The following DIAPH3 variants were observed in gnomAD, a reference collection of about 807,000 sequenced individuals.
The protein encoded by DIAPH3 is protein diaphanous homolog 3.
A neutral mutation model predicts 144.3 loss-of-function variants in DIAPH3; 117 were observed. The observed-to-expected ratio is 0.81, with a 90% CI of 0.70 to 0.95. The LOEUF is 0.95. Ranked by LOEUF, DIAPH3 falls within the 40% of genes least tolerant of loss-of-function variation. DIAPH3 has a pLI of 0.00. For synonymous variants in DIAPH3, 519 were observed against 488.9 expected (o/e 1.06, Z -0.81); for missense variants, 1,421 against 1,412.7 (o/e 1.01, Z -0.09).
chr13:60,148,854 C>G (rs866571248), intron 1 of DIAPH3, among the ~76,000 whole-genome samples: 5 of 152,278 alleles, frequency 3.3e-5, no homozygotes, highest in South Asian at 4.1e-4. Flanking sequence ...CATGAACTCC[C>G]CAGCAACACT....
intron 25 of DIAPH3, among the ~76,000 whole-genome samples, chr13:59,810,353 A>C (rs2040410821): frequency 6.6e-6 from 1 of 152,146 alleles, no homozygotes; most frequent in South Asian, 2.1e-4. Flanking sequence ...TATGTCGCTT[A>C]AGTCTCTTTC....
chr13:59,915,665 A>G (rs927824148), intron 19 of DIAPH3, among the ~76,000 whole-genome samples: 1 of 152,104 alleles, frequency 6.6e-6, no homozygotes, highest in Non-Finnish European at 1.5e-5. Flanking sequence ...AAAATCTTCT[A>G]GCTTTCTGAA....
rs1036792653 is a variant in DIAPH3 at position 59,829,759 on chromosome 13, G to A, written c.3027+3348C>T. Among the ~76,000 whole-genome samples, 4 of 151,972 alleles carry A rather than the reference G, an allele frequency of 2.6e-5. No homozygotes were observed. In the Admixed American group the frequency reaches 2.6e-4, roughly 10 times the overall value. On this transcript the variant is annotated intron_variant, in intron 24 of 27. Transcript: ENST00000400324. ...TTAGAGGGATGAGTATGATAATTTA[G>A]CCAGGCAGAGTATGGAGAAAGTGCT...
intron 22 of DIAPH3, among the ~76,000 whole-genome samples, chr13:59,853,791 A>G (rs1232676078): frequency 6.6e-6 from 1 of 152,210 alleles, no homozygotes; most frequent in Non-Finnish European, 1.5e-5. Flanking sequence ...CATATTAACA[A>G]TAACTTTAAA....
intron 17 of DIAPH3, among the ~76,000 whole-genome samples, chr13:59,931,502 A>G (rs1026453826): frequency 6.6e-6 from 1 of 152,176 alleles, no homozygotes; most frequent in Non-Finnish European, 1.5e-5. Context: ...TACTCCTTAC[A>G]TATCATAAAT....
chr13:59,691,841 T>G (rs754388266), intron 27 of DIAPH3, among the ~76,000 whole-genome samples: 19 of 152,172 alleles, frequency 1.2e-4, no homozygotes, highest in South Asian at 2.1e-4. Flanking sequence ...CTGTATTTCT[T>G]TCATGTATAA....
intron 21 of DIAPH3, among the ~76,000 whole-genome samples, chr13:59,865,679 A>C (rs955963239): frequency 6.6e-6 from 1 of 151,994 alleles, no homozygotes; most frequent in African/African-American, 2.4e-5. Flanking sequence ...ATAATGTTAA[A>C]AGTGGATCCT....
At chr13:59,876,428 G>A (rs2044633377) in intron 21 of DIAPH3, among the ~76,000 whole-genome samples, 1 of 152,170 alleles carries the variant, frequency 6.6e-6, no homozygotes, top group South Asian at 2.1e-4. Flanking sequence ...CAGATTAACT[G>A]GTTTGCCGAC....
At chr13:59,965,555 A>T (rs2049999318) in intron 17 of DIAPH3, among the ~76,000 whole-genome samples, 2 of 150,756 alleles carry the variant, frequency 1.3e-5, no homozygotes, top group African/African-American at 2.4e-5. Flanking sequence ...AAAAAAAAAA[A>T]ATACATAGGT....
chr13:59,828,118 A>C (rs1802097608), intron 24 of DIAPH3, among the ~76,000 whole-genome samples: 1 of 152,020 alleles, frequency 6.6e-6, no homozygotes, highest in Non-Finnish European at 1.5e-5. Context: ...TTTACTCAGC[A>C]TATAGTATGA....
chr13:60,111,599 G>A (rs2058569016), intron 3 of DIAPH3, among the ~76,000 whole-genome samples: 1 of 152,122 alleles, frequency 6.6e-6, no homozygotes, highest in Admixed American at 6.5e-5. Flanking sequence ...CGCTTCTTAT[G>A]AGCATCTAAC....
intron 27 of DIAPH3, among the ~76,000 whole-genome samples, 195 bp from the exon 28 acceptor site, chr13:59,667,041 A>G (rs1350718858): frequency 6.6e-6 from 1 of 152,172 alleles, no homozygotes; most frequent in Non-Finnish European, 1.5e-5. Context: ...CTAAAATATA[A>G]CAGCCAACCG....
At chr13:59,836,007 T>A (rs2042027493) in intron 23 of DIAPH3, among the ~76,000 whole-genome samples, 1 of 151,820 alleles carries the variant, frequency 6.6e-6, no homozygotes, top group Non-Finnish European at 1.5e-5. Context: ...GGGATTTCAA[T>A]GAACAAATTT....
chr13:59,999,004 A>C (rs954178047), intron 9 of DIAPH3, among the ~76,000 whole-genome samples: 1 of 152,110 alleles, frequency 6.6e-6, no homozygotes, highest in Non-Finnish European at 1.5e-5. Context: ...CTTAAAACAA[A>C]AAATAGTAAA....
chr13:59,937,616 G>C (rs1284152881), intron 17 of DIAPH3, among the ~76,000 whole-genome samples: 5 of 152,164 alleles, frequency 3.3e-5, no homozygotes, highest in Non-Finnish European at 7.3e-5. Context: ...AAAACAGCCA[G>C]AGTGATTATC....
intron 27 of DIAPH3, among the ~76,000 whole-genome samples, chr13:59,684,404 T>G (rs2033109440): frequency 6.6e-6 from 1 of 152,178 alleles, no homozygotes; most frequent in Admixed American, 6.5e-5. Flanking sequence ...GGTGTTGTAT[T>G]ATGGGGTTAG....
chr13:59,960,546 T>C (rs2049694724), intron 17 of DIAPH3, among the ~76,000 whole-genome samples: 1 of 152,216 alleles, frequency 6.6e-6, no homozygotes, highest in African/African-American at 2.4e-5. Flanking sequence ...TCTGGCACTC[T>C]TATTTGCCTA....
intron 25 of DIAPH3, among the ~76,000 whole-genome samples, chr13:59,809,559 T>C (rs1033067609): frequency 1.3e-5 from 2 of 151,390 alleles, no homozygotes; most frequent in African/African-American, 4.9e-5. Flanking sequence ...AATTAGGAAG[T>C]AATATATTAA....
At chr13:60,018,041 G>A (rs974310528) in intron 5 of DIAPH3, among the ~76,000 whole-genome samples, 2 of 152,162 alleles carry the variant, frequency 1.3e-5, no homozygotes, top group African/African-American at 4.8e-5. Flanking sequence ...AGGGAAGTGA[G>A]GAGAAATCTG....
Sources: gnomAD v4.1 joint callset for allele counts (sites outside exome capture counted in the v4.1 genomes callset) on GRCh38, gnomAD v4.1.1 for gene constraint, MANE v1.5 for transcripts, NCBI Gene and HGNC (gene_info 2026-07-23, HGNC 2026-07-21) for gene names.